ADAMTS6: variants seen among roughly 807,000 people sequenced by gnomAD.
ADAMTS6 encodes A disintegrin and metalloproteinase with thrombospondin motifs 6.
Under a neutral mutation model 144.3 loss-of-function variants are expected in ADAMTS6, and 23 were observed. The ratio of observed to expected loss-of-function variants is 0.16; its 90% CI spans 0.11 to 0.23. ADAMTS6 has a LOEUF of 0.23. Among genes scored for constraint, ADAMTS6 ranks in the 10% least tolerant of loss-of-function variants. The pLI, the probability that ADAMTS6 is intolerant of heterozygous loss-of-function variation, is 1.00. For missense variants in ADAMTS6, 999 were observed against 1,379.6 expected, an observed-to-expected ratio of 0.72 and a Z score of 4.37; for synonymous variants, 444 against 457.5, an observed-to-expected ratio of 0.97 and a Z score of 0.38.
intron 11 of ADAMTS6, among the ~76,000 whole-genome samples, chr5:65,286,479 T>C (rs1741675160): frequency 6.6e-6 from 1 of 152,220 alleles, no homozygotes; most frequent in Non-Finnish European, 1.5e-5. Context: ...TATGCATTTA[T>C]GTGCTAACAT....
At chr5:65,425,324 G>A (rs958579134) in intron 7 of ADAMTS6, among the ~76,000 whole-genome samples, 2 of 152,078 alleles carry the variant, frequency 1.3e-5, no homozygotes, top group African/African-American at 4.8e-5. Flanking sequence ...CACTGTGCCC[G>A]GCCAATATAT....
At chr5:65,436,425 T>C (rs1167438745) in intron 7 of ADAMTS6, among the ~76,000 whole-genome samples, 1 of 152,208 alleles carries the variant, frequency 6.6e-6, no homozygotes, top group East Asian at 1.9e-4. Flanking sequence ...TATTTTACCT[T>C]AGCGTGGAAT....
rs1420431238 is a variant in ADAMTS6, at chr5:65,184,814, T to A, written c.2910+3202A>T. Among the ~76,000 whole-genome samples the A allele has an allele frequency of 2.6e-5, 4 of 151,990 alleles. No homozygotes were observed. In the East Asian group the frequency reaches 7.7e-4, roughly 29 times the overall value. The stretch of plus-strand genomic sequence containing the variant: ...CCAAGGTAATTTAACTTTTTTTTTT[T>A]TCCTTTTGCCATAAGTACTGGGTGG... On this transcript the variant is annotated intron_variant, in intron 22 of 24. Coordinates refer to ENST00000381055, the MANE Select transcript of ADAMTS6 (RefSeq NM_197941.4).
At chr5:65,291,919 A>T (rs1580314258) in intron 10 of ADAMTS6, among the ~76,000 whole-genome samples, 1 of 152,304 alleles carries the variant, frequency 6.6e-6, no homozygotes, top group East Asian at 1.9e-4. Flanking sequence ...AGAACAATAG[A>T]TGTTGTGTTA....
chr5:65,238,956 A>C (rs1758919719), intron 15 of ADAMTS6, among the ~76,000 whole-genome samples: 1 of 152,184 alleles, frequency 6.6e-6, no homozygotes, highest in South Asian at 2.1e-4. Flanking sequence ...TTACATGAAA[A>C]TGCAAATCAG....
At chr5:65,281,828 G>A (rs544339766) in intron 11 of ADAMTS6, among the ~76,000 whole-genome samples, 3 of 151,930 alleles carry the variant, frequency 2.0e-5, no homozygotes, top group Non-Finnish European at 4.4e-5. Context: ...GGGCTTTTTT[G>A]ATCAGAATGG....
At chr5:65,309,463 G>C (rs575672795) in intron 9 of ADAMTS6, among the ~76,000 whole-genome samples, 3 of 151,040 alleles carry the variant, frequency 2.0e-5, no homozygotes, top group Admixed American at 1.3e-4. Flanking sequence ...ATGTGGCAGT[G>C]GGGGGGTGGG....
intron 17 of ADAMTS6, 46 bp downstream of exon 17, chr5:65,224,878 C>T: frequency 1.5e-5 from 23 of 1,552,294 alleles, no homozygotes; most frequent in Non-Finnish European, 1.9e-5. Context: ...TTTGGCTCCT[C>T]CAAGTACACC....
At chr5:65,463,461 T>C (rs1016727334) in intron 3 of ADAMTS6, among the ~76,000 whole-genome samples, 4 of 152,174 alleles carry the variant, frequency 2.6e-5, no homozygotes, top group Non-Finnish European at 1.5e-5. Flanking sequence ...ATGGAGGGCC[T>C]GAATTTAGTG....
In ADAMTS6 at chr5:65,372,331, G is replaced by A. The variant is rs867309800; in HGVS notation, c.1074-38246C>T. Among the ~76,000 whole-genome samples the A allele has an allele frequency of 6.4e-4, 97 of 151,964 alleles. 3 individuals are homozygous for A. In the South Asian group the frequency reaches 0.017, roughly 27 times the overall value. ...ACTGGCAAATTGGATAAAGAGTCAA[G>A]ACCCATCAGTGTGCTGTATTCAGGA... On this transcript the variant is annotated intron_variant, in intron 7 of 24. Coordinates refer to ENST00000381055, the MANE Select transcript of ADAMTS6 (RefSeq NM_197941.4).
intron 9 of ADAMTS6, among the ~76,000 whole-genome samples, chr5:65,303,612 A>G (rs115622144): frequency 0.016 from 2,377 of 152,010 alleles, 56 homozygotes; most frequent in African/African-American, 0.055. Context: ...CTGTAGAGAT[A>G]TATAATACAG....
At chr5:65,463,774 G>A (rs1450986258) in intron 3 of ADAMTS6, among the ~76,000 whole-genome samples, 1 of 152,066 alleles carries the variant, frequency 6.6e-6, no homozygotes, top group Non-Finnish European at 1.5e-5. Flanking sequence ...TCTACCACCA[G>A]CTTCATCTCT....
chr5:65,433,689 C>T (rs1382990057), intron 7 of ADAMTS6, among the ~76,000 whole-genome samples: 1 of 152,002 alleles, frequency 6.6e-6, no homozygotes, highest in Non-Finnish European at 1.5e-5. Flanking sequence ...AAGTCAAAAC[C>T]ACAGTTAGGT....
At chr5:65,257,540 C>G (rs1013144632) in intron 14 of ADAMTS6, among the ~76,000 whole-genome samples, 1 of 152,134 alleles carries the variant, frequency 6.6e-6, no homozygotes, top group Non-Finnish European at 1.5e-5. Flanking sequence ...ATCATTCTTA[C>G]CAATATCCTT....
At chr5:65,372,273 A>C (rs1244302957) in intron 7 of ADAMTS6, among the ~76,000 whole-genome samples, 3 of 151,078 alleles carry the variant, frequency 2.0e-5, no homozygotes, top group African/African-American at 7.4e-5. Context: ...CTTTAAATGT[A>C]AATGGACTAA....
rs1325236311 is a variant in ADAMTS6, at chr5:65,260,618, A to G, written c.1812T>C (p.Tyr604=). 1 of 1,613,658 alleles carries G rather than the reference A, an allele frequency of 6.2e-7. No individual in the cohort carries two copies. Among genetic ancestry groups the G allele is most frequent in the Non-Finnish European group, 8.5e-7 (1 of 1,179,764 alleles). ...GKYCLGERKR[Y]RSCNTDPCPL... is the part of the protein sequence containing the mutation. ...TACTTACATCTGTGTTACAGGAGCG[A>G]TACCGTTTCCTTTCCCCAAGGCAAT... Residue 604 remains tyrosine (Y), a synonymous_variant, in exon 14 of 25, where the codon TAT becomes TAC. Transcript: ENST00000381055.
rs1757696562 is a variant in ADAMTS6, at chr5:65,439,334, A to G, written c.1073+12141T>C. Among the ~76,000 whole-genome samples, 5 of 152,168 alleles carry G rather than the reference A, an allele frequency of 3.3e-5. No individual in the cohort carries two copies. In the South Asian group the frequency reaches 1.0e-3, roughly 31 times the overall value. ...TGCCAAAAATTACTTATTAATTAAAATGGGAAAAATTACAAAGGAGAAACA... is the reference window on the plus strand; with the variant it reads ...TGCCAAAAATTACTTATTAATTAAAGTGGGAAAAATTACAAAGGAGAAACA... On this transcript the variant is annotated intron_variant, in intron 7 of 24. Transcript: ENST00000381055.
intron 15 of ADAMTS6, among the ~76,000 whole-genome samples, chr5:65,231,504 C>A (rs897410894): frequency 2.0e-5 from 3 of 152,120 alleles, no homozygotes; most frequent in African/African-American, 7.2e-5. Flanking sequence ...AAAAGATGCA[C>A]TTGAATTATA....
chr5:65,447,310 C>T (rs1758345565), intron 7 of ADAMTS6, among the ~76,000 whole-genome samples: 1 of 152,018 alleles, frequency 6.6e-6, no homozygotes, highest in Non-Finnish European at 1.5e-5. Flanking sequence ...TGTCAACTTG[C>T]AGGTTTTTAT....
Sources: allele counts gnomAD v4.1 joint callset (sites outside exome capture counted in the v4.1 genomes callset), GRCh38; gene constraint gnomAD v4.1.1; transcripts MANE v1.5; gene names NCBI Gene and HGNC (gene_info 2026-07-23, HGNC 2026-07-21).